USH2A: variants seen among roughly 807,000 people sequenced by gnomAD.
USH2A encodes the protein usherin, also known as Usher syndrome 2A (autosomal recessive, mild).
A neutral mutation model predicts 538.9 loss-of-function variants in USH2A; 443 were observed. That is an observed-to-expected ratio of 0.82 (90% confidence interval 0.76 to 0.89). The LOEUF (loss-of-function observed/expected upper bound fraction) is 0.89. Among genes scored for constraint, USH2A ranks in the 40% least tolerant of loss-of-function variants. USH2A has a pLI of 0.00. For synonymous variants in USH2A, 2,413 were observed against 2,273.5 expected (o/e 1.06, Z -1.75); for missense variants, 6,633 against 6,324.8 (o/e 1.05, Z -1.65).
intron 4 of USH2A, among the ~76,000 whole-genome samples, chr1:216,342,183 G>C (rs2102680101): frequency 6.6e-6 from 1 of 152,164 alleles, no homozygotes; most frequent in East Asian, 1.9e-4. Flanking sequence ...GTGGGCAAAG[G>C]ATATGAACAG....
At chr1:216,319,460 G>C (rs974601) in intron 9 of USH2A, among the ~76,000 whole-genome samples, 61,364 of 151,862 alleles carry the variant, frequency 0.4, 14,090 homozygotes, top group African/African-American at 0.64. Context: ...ATATACTAAT[G>C]AAATCAAATG....
intron 32 of USH2A, among the ~76,000 whole-genome samples, chr1:216,009,625 C>T (rs929784723): frequency 7.2e-5 from 11 of 152,090 alleles, no homozygotes; most frequent in African/African-American, 2.4e-4. Context: ...CCAAGCGTGG[C>T]TGAGTCTTTC....
At chr1:216,187,943 TTCCCCTCACATATATGAA>T (rs2034641106) in intron 20 of USH2A, among the ~76,000 whole-genome samples, 2 of 152,018 alleles carry the variant, frequency 1.3e-5, no homozygotes, top group Admixed American at 1.3e-4. Flanking sequence ...AACCATTTTT[TTCCCCTCACATATATGAA>T]TAAACTCTTA....
At chr1:215,665,251 G>T (rs1657569525) in intron 64 of USH2A, among the ~76,000 whole-genome samples, 1 of 152,152 alleles carries the variant, frequency 6.6e-6, no homozygotes, top group Non-Finnish European at 1.5e-5. Context: ...CTGCCATTCT[G>T]CATGGGCTCC....
rs17025826 is a variant in USH2A at position 215,989,621 on chromosome 1, C to A, written c.6805+3399G>T. Among the ~76,000 whole-genome samples, 30 of 152,090 alleles carry A rather than the reference C, an allele frequency of 2.0e-4. No homozygotes were observed. The South Asian group carries it at 3.9e-3, about 20-fold the overall frequency. On this transcript the variant is annotated intron_variant, in intron 35 of 71. Coordinates refer to ENST00000307340, the MANE Select transcript of USH2A (RefSeq NM_206933.4). ...CGATCTGGGTGAGCAATATTAATGG[C>A]CTTCACTAGAGAAGTGCAGTCGAGG... is the stretch of plus-strand genomic sequence containing the variant.
At chr1:215,778,134 C>T (rs1467950434) in intron 55 of USH2A, among the ~76,000 whole-genome samples, 3 of 151,792 alleles carry the variant, frequency 2.0e-5, no homozygotes, top group Non-Finnish European at 4.4e-5. Context: ...TCACTGCAAC[C>T]TCTGCCGCCC....
intron 38 of USH2A, among the ~76,000 whole-genome samples, chr1:215,905,819 C>T (rs1665627280): frequency 6.6e-6 from 1 of 152,074 alleles, no homozygotes; most frequent in South Asian, 2.1e-4. Context: ...ATTATCCCCT[C>T]ACTTCAGGGA....
At chr1:216,304,490 A>T (rs974321931) in intron 9 of USH2A, among the ~76,000 whole-genome samples, 1 of 151,896 alleles carries the variant, frequency 6.6e-6, no homozygotes, top group Admixed American at 6.6e-5. Context: ...CAGATAGAAG[A>T]TTCATTATTA....
At chr1:216,344,521 T>C (rs955466991) in intron 4 of USH2A, among the ~76,000 whole-genome samples, 1 of 152,098 alleles carries the variant, frequency 6.6e-6, no homozygotes, top group Non-Finnish European at 1.5e-5. Flanking sequence ...AATGTATCTC[T>C]TGGGGTCTGG....
intron 47 of USH2A, among the ~76,000 whole-genome samples, chr1:215,836,376 C>A (rs1341779965): frequency 1.5e-5 from 2 of 137,724 alleles, no homozygotes; most frequent in African/African-American, 5.3e-5. Context: ...GGAGTATCTT[C>A]CCCAGTGGAC....
intron 44 of USH2A, among the ~76,000 whole-genome samples, chr1:215,856,551 G>C (rs2102430510): frequency 6.6e-6 from 1 of 152,120 alleles, no homozygotes; most frequent in South Asian, 2.1e-4. Flanking sequence ...AAAAATAATA[G>C]ACCTTGGCAT....
intron 38 of USH2A, among the ~76,000 whole-genome samples, chr1:215,927,632 G>C (rs1666267302): frequency 6.6e-6 from 1 of 152,040 alleles, no homozygotes; most frequent in Non-Finnish European, 1.5e-5. Context: ...GGGGAACAGT[G>C]GGAGAAAGCA....
intron 21 of USH2A, among the ~76,000 whole-genome samples, chr1:216,110,045 G>A (rs906455957): frequency 7.9e-5 from 12 of 151,982 alleles, no homozygotes; most frequent in Admixed American, 6.6e-5. Context: ...AAAAATTTAG[G>A]ATAGCCTTTA....
At chr1:216,223,638 G>A (rs2035503582) in intron 14 of USH2A, among the ~76,000 whole-genome samples, 1 of 152,094 alleles carries the variant, frequency 6.6e-6, no homozygotes, top group Non-Finnish European at 1.5e-5. Flanking sequence ...GCCCTGCCTT[G>A]GCTGCCAGAT....
intron 64 of USH2A, among the ~76,000 whole-genome samples, chr1:215,667,558 C>A (rs915709636): frequency 6.6e-6 from 1 of 151,678 alleles, no homozygotes. Flanking sequence ...AAATTCGCCA[C>A]GCATGGTGGC....
chr1:216,326,206 A>G (rs1016807809), intron 5 of USH2A, among the ~76,000 whole-genome samples: 12 of 152,138 alleles, frequency 7.9e-5, no homozygotes, highest in African/African-American at 2.7e-4. Context: ...AATTCCAGGT[A>G]GATATATTTA....
chr1:216,045,623 A>G (rs894170959), intron 32 of USH2A, among the ~76,000 whole-genome samples: 1 of 152,172 alleles, frequency 6.6e-6, no homozygotes, highest in African/African-American at 2.4e-5. Context: ...CATTGATCCA[A>G]CTGGACACTG....
intron 38 of USH2A, among the ~76,000 whole-genome samples, chr1:215,908,996 T>C (rs1261488811): frequency 6.7e-6 from 1 of 149,158 alleles, no homozygotes; most frequent in African/African-American, 2.4e-5. Context: ...ACATATATAA[T>C]AATAATACAA....
intron 11 of USH2A, among the ~76,000 whole-genome samples, chr1:216,282,543 G>T (rs963942003): frequency 5.3e-5 from 8 of 152,150 alleles, no homozygotes; most frequent in African/African-American, 9.7e-5. Flanking sequence ...CTATAAATAT[G>T]AGGGCTTATT....
Sources: allele counts gnomAD v4.1 joint callset (sites outside exome capture counted in the v4.1 genomes callset), GRCh38; gene constraint gnomAD v4.1.1; transcripts MANE v1.5; gene names NCBI Gene and HGNC (gene_info 2026-07-23, HGNC 2026-07-21).